The following SYT1 variants were observed in gnomAD, a reference collection of about 807,000 sequenced individuals.
The protein encoded by SYT1 is synaptotagmin 1, also known as synaptotagmin-1.
In SYT1, 8 loss-of-function variants were observed where a neutral mutation model predicts 44.8. The observed-to-expected ratio is 0.18, with a 90% CI of 0.10 to 0.32. SYT1 has a LOEUF of 0.32. Among genes scored for constraint, SYT1 ranks in the 10% least tolerant of loss-of-function variants. SYT1 has a pLI of 1.00. For missense variants in SYT1, 286 were observed against 509.3 expected, an observed-to-expected ratio of 0.56 and a Z score of 4.22; for synonymous variants, 154 against 188.8, an observed-to-expected ratio of 0.82 and a Z score of 1.51.
chr12:79,139,289 C>T (rs576383522), intron 3 of SYT1, among the ~76,000 whole-genome samples: 12 of 152,266 alleles, frequency 7.9e-5, no homozygotes, highest in African/African-American at 1.7e-4. Flanking sequence ...GAGTATAGAA[C>T]GTCACAAAGA....
chr12:79,041,496 G>A (rs1377600425), intron 2 of SYT1, among the ~76,000 whole-genome samples: 1 of 152,058 alleles, frequency 6.6e-6, no homozygotes, highest in African/African-American at 2.4e-5. Context: ...CTTTGCTGAA[G>A]TTGCTTATCA....
At chr12:79,218,991 G>C (rs1421338758) in intron 4 of SYT1, among the ~76,000 whole-genome samples, 1 of 152,094 alleles carries the variant, frequency 6.6e-6, no homozygotes, top group Non-Finnish European at 1.5e-5. Flanking sequence ...CAGTGTGCAA[G>C]GGTTCCCTTT....
At chr12:79,151,279 G>A (rs1870256641) in intron 3 of SYT1, among the ~76,000 whole-genome samples, 1 of 152,158 alleles carries the variant, frequency 6.6e-6, no homozygotes, top group Non-Finnish European at 1.5e-5. Context: ...ACAACCTGGA[G>A]ATTATAAAGT....
At chr12:79,003,509 G>A (rs1397702929) in intron 2 of SYT1, among the ~76,000 whole-genome samples, 2 of 151,942 alleles carry the variant, frequency 1.3e-5, no homozygotes, top group East Asian at 1.9e-4. Context: ...ACACACTTAA[G>A]ACATCACTGC....
intron 8 of SYT1, among the ~76,000 whole-genome samples, chr12:79,318,715 G>A (rs1021248936): frequency 4.6e-5 from 7 of 152,228 alleles, no homozygotes; most frequent in Admixed American, 6.5e-5. Context: ...TCAATATTCC[G>A]ACAAGGTGCT....
At chr12:79,115,895 G>C in intron 3 of SYT1, among the ~76,000 whole-genome samples, 1 of 152,124 alleles carries the variant, frequency 6.6e-6, no homozygotes, top group East Asian at 1.9e-4. Flanking sequence ...ACATTAGCCT[G>C]TCAATCAAAT....
At chr12:79,417,497 G>A (rs1370056168) in intron 9 of SYT1, among the ~76,000 whole-genome samples, 2 of 152,036 alleles carry the variant, frequency 1.3e-5, no homozygotes. Flanking sequence ...CTCCTGCCTT[G>A]ACGTTACTAC....
At chr12:78,878,760 C>T (rs993761316) in intron 1 of SYT1, among the ~76,000 whole-genome samples, 7 of 151,632 alleles carry the variant, frequency 4.6e-5, no homozygotes, top group Admixed American at 3.3e-4. Flanking sequence ...GGCTTCAGCA[C>T]GAAAGCTTTA....
chr12:79,034,128 A>C (rs1020558191), intron 2 of SYT1, among the ~76,000 whole-genome samples: 1 of 151,572 alleles, frequency 6.6e-6, no homozygotes, highest in Non-Finnish European at 1.5e-5. Flanking sequence ...TATAAGAATC[A>C]TGCTGTTCAG....
intron 9 of SYT1, among the ~76,000 whole-genome samples, chr12:79,404,736 T>G (rs1305510429): frequency 6.6e-6 from 1 of 152,212 alleles, no homozygotes; most frequent in Non-Finnish European, 1.5e-5. Context: ...TCATAATTAC[T>G]TATGTAAATT....
chr12:79,277,544 A>T (rs558748130), intron 4 of SYT1, among the ~76,000 whole-genome samples: 6 of 152,302 alleles, frequency 3.9e-5, no homozygotes, highest in Non-Finnish European at 4.4e-5. Flanking sequence ...CAAAAGGTTG[A>T]TATTCACCAG....
At position 79,285,810 on chromosome 12, in the gene SYT1, A is replaced by G. The variant is rs769801794; in HGVS notation, c.190A>G (p.Ile64Val). The G allele has an allele frequency of 3.2e-5, 51 of 1,608,518 alleles. No homozygotes were observed. The highest frequency in any genetic ancestry group is 4.1e-5 in the Non-Finnish European group (48 of 1,178,734). ...IPLPPWALIAIAIVAVLLVLT... is the reference protein window; with the variant it reads ...IPLPPWALIAVAIVAVLLVLT... The stretch of plus-strand genomic sequence containing the variant: ...AGTGCCACCGTGGGCCTTAATTGCA[A>G]TAGCCATAGTCGCAGTCCTTTTAGT... The change falls in exon 5 of 11, where the codon ATA becomes GTA. Residue 64 changes from isoleucine to valine, a missense_variant. Physicochemically the swap from Ile to Val is conservative, Grantham distance 29. Around this residue, in one of 6 missense-constraint regions of SYT1, gnomAD observed 141 missense variants for 165.7 expected, o/e 0.85. Coordinates refer to ENST00000261205, the MANE Select transcript of SYT1 (RefSeq NM_005639.3).
intron 9 of SYT1, among the ~76,000 whole-genome samples, chr12:79,356,127 C>A (rs1237205170): frequency 6.6e-6 from 1 of 151,074 alleles, no homozygotes; most frequent in Non-Finnish European, 1.5e-5. Context: ...GGAGAGAGAA[C>A]AACCACGGGG....
chr12:79,211,766 G>T (rs1490610002), intron 3 of SYT1, among the ~76,000 whole-genome samples: 2 of 151,994 alleles, frequency 1.3e-5, no homozygotes, highest in Non-Finnish European at 1.5e-5. Context: ...CAAAGGACAT[G>T]AACTCATCAT....
chr12:79,042,353 G>T (rs949987199), intron 2 of SYT1, among the ~76,000 whole-genome samples: 1 of 149,986 alleles, frequency 6.7e-6, no homozygotes, highest in African/African-American at 2.4e-5. Context: ...TTTAGTCCTG[G>T]GAGAGTGTAT....
At chr12:79,191,595 G>T (rs1003839686) in intron 3 of SYT1, among the ~76,000 whole-genome samples, 1 of 152,048 alleles carries the variant, frequency 6.6e-6, no homozygotes, top group Non-Finnish European at 1.5e-5. Flanking sequence ...TACACATGAG[G>T]ATATGTGGGT....
chr12:79,233,811 A>C lies in SYT1; in HGVS notation c.166+16126A>C, dbSNP rs369244525. ...GTACTTCCATAAAAGCTTGAATGTA[A>C]TAATCTAACAGTTGAGCCCTGCATA... On this transcript the variant is annotated intron_variant, in intron 4 of 10. Coordinates refer to ENST00000261205, the MANE Select transcript of SYT1 (RefSeq NM_005639.3). Among the ~76,000 whole-genome samples, 25 of 152,334 alleles carry C rather than the reference A, an allele frequency of 1.6e-4. No individual in the cohort carries two copies. The East Asian group carries it at 4.2e-3, about 26-fold the overall frequency.
chr12:79,387,195 A>C (rs780501697), intron 9 of SYT1, among the ~76,000 whole-genome samples: 5 of 152,092 alleles, frequency 3.3e-5, no homozygotes, highest in Non-Finnish European at 7.3e-5. Flanking sequence ...ACTATATCTA[A>C]CTGATACCCT....
intron 1 of SYT1, among the ~76,000 whole-genome samples, chr12:78,960,106 G>T (rs576518913): frequency 2.6e-5 from 4 of 152,206 alleles, no homozygotes; most frequent in South Asian, 2.1e-4. Flanking sequence ...CATTAGTGAA[G>T]AAATTTAATA....
Sources: gnomAD v4.1 joint callset for allele counts (sites outside exome capture counted in the v4.1 genomes callset) on GRCh38, gnomAD v4.1.1 for gene constraint, gnomAD v4.1.1 regional missense constraint, MANE v1.5 for transcripts, NCBI Gene and HGNC (gene_info 2026-07-23, HGNC 2026-07-21) for gene names.